The following RGL1 variants were observed in gnomAD, a reference collection of about 807,000 sequenced individuals.
RGL1 encodes ral guanine nucleotide dissociation stimulator-like 1.
Under a neutral mutation model 95.2 loss-of-function variants are expected in RGL1, and 24 were observed. That is an observed-to-expected ratio of 0.25 (90% CI 0.18 to 0.35). The LOEUF (loss-of-function observed/expected upper bound fraction) is 0.35. Ranked by LOEUF, RGL1 falls within the 10% of genes least tolerant of loss-of-function variation. RGL1 has a pLI of 1.00. For synonymous variants in RGL1, 329 were observed against 344.9 expected (o/e 0.95, Z 0.51); for missense variants, 715 against 936.3 (o/e 0.76, Z 3.08).
chr1:183,800,408 G>A (rs1286118841), upstream of RGL1, among the ~76,000 whole-genome samples: 6 of 151,136 alleles, frequency 4.0e-5, no homozygotes, highest in Non-Finnish European at 8.8e-5. Flanking sequence ...TTTTTCTCCC[G>A]TTTGTTGCTC....
intron 2 of RGL1, among the ~76,000 whole-genome samples, chr1:183,840,051 A>C (rs1663936024): frequency 6.6e-6 from 1 of 152,210 alleles, no homozygotes; most frequent in Non-Finnish European, 1.5e-5. Context: ...TGAAACGGGT[A>C]TGATCTAATG....
rs545339168 is a variant in RGL1 at position 183,650,282 on chromosome 1, G to A, written c.-33+13781G>A. ...TATTCGGCCAGGCGTGGTGGCTCAC[G>A]CCTATAATCCCAGCACTTTGGGAGG... is the stretch of plus-strand genomic sequence containing the variant. On this transcript the variant is annotated intron_variant, in intron 1 of 18. Transcript: ENST00000304685. Among the ~76,000 whole-genome samples the A allele has an allele frequency of 4.4e-4, 67 of 152,020 alleles. 1 individual carries two copies. The highest frequency in any genetic ancestry group is 1.6e-3 in the African/African-American group (66 of 41,432).
intron 2 of RGL1, among the ~76,000 whole-genome samples, chr1:183,770,908 T>G (rs1409537134): frequency 6.6e-6 from 1 of 152,198 alleles, no homozygotes; most frequent in Non-Finnish European, 1.5e-5. Context: ...ACAATTGGGC[T>G]GGTTTCAGTG....
At chr1:183,793,772 A>G (rs1293022411) in intron 2 of RGL1, among the ~76,000 whole-genome samples, 1 of 152,150 alleles carries the variant, frequency 6.6e-6, no homozygotes, top group Non-Finnish European at 1.5e-5. Context: ...ATGCAGAGGA[A>G]AAGAAACTCT....
chr1:183,794,875 T>C (rs1235755650), intron 2 of RGL1, among the ~76,000 whole-genome samples: 2 of 152,252 alleles, frequency 1.3e-5, no homozygotes, highest in Non-Finnish European at 2.9e-5. Context: ...ATTGTTAGTC[T>C]GCCCTGCTCT....
At chr1:183,694,531 T>A (rs1452747877) in intron 1 of RGL1, among the ~76,000 whole-genome samples, 1 of 152,228 alleles carries the variant, frequency 6.6e-6, no homozygotes, top group Non-Finnish European at 1.5e-5. Flanking sequence ...ACCCTTGCTA[T>A]AGATCATTTC....
intron 2 of RGL1, among the ~76,000 whole-genome samples, chr1:183,822,472 G>T (rs1572458997): frequency 6.6e-6 from 1 of 152,034 alleles, no homozygotes; most frequent in Non-Finnish European, 1.5e-5. Context: ...TGGTGAATTA[G>T]ATTACCCTAG....
intron 2 of RGL1, among the ~76,000 whole-genome samples, chr1:183,813,968 T>C (rs919998891): frequency 1.3e-5 from 2 of 152,232 alleles, no homozygotes; most frequent in African/African-American, 4.8e-5. Flanking sequence ...CCTTATAATG[T>C]CACTTATGGC....
chr1:183,805,795 A>G (rs954258909), intron 1 of RGL1, among the ~76,000 whole-genome samples: 1 of 152,178 alleles, frequency 6.6e-6, no homozygotes, highest in African/African-American at 2.4e-5. Flanking sequence ...GTGGGCTCCA[A>G]AACAATGAGG....
chr1:183,764,389 C>T (rs1658859392), intron 2 of RGL1, among the ~76,000 whole-genome samples: 1 of 151,970 alleles, frequency 6.6e-6, no homozygotes, highest in African/African-American at 2.4e-5. Context: ...GGTCAGTGGG[C>T]AGTTATTATG....
intron 4 of RGL1, among the ~76,000 whole-genome samples, chr1:183,868,885 G>A (rs1665995169): frequency 6.6e-6 from 1 of 152,226 alleles, no homozygotes. Context: ...GGAAGCCCAG[G>A]AGGGAAGATC....
intron 1 of RGL1, chr1:183,709,244 A>T (rs1655114520): frequency 6.6e-6 from 1 of 152,266 alleles, no homozygotes; most frequent in Admixed American, 6.5e-5. Context: ...GGGCCTGAGA[A>T]GGGATGAGTT....
chr1:183,700,926 C>A (rs1028780048), intron 1 of RGL1, among the ~76,000 whole-genome samples: 1 of 152,134 alleles, frequency 6.6e-6, no homozygotes, highest in Non-Finnish European at 1.5e-5. Context: ...CCCTGACAGG[C>A]CCCGGTGTGT....
At chr1:183,771,537 G>A (rs1659271898) in intron 2 of RGL1, among the ~76,000 whole-genome samples, 1 of 152,204 alleles carries the variant, frequency 6.6e-6, no homozygotes, top group African/African-American at 2.4e-5. Context: ...AAACAGGTAG[G>A]GGATGGGGTA....
At chr1:183,675,718 A>G (rs1652784961) in intron 1 of RGL1, among the ~76,000 whole-genome samples, 1 of 152,204 alleles carries the variant, frequency 6.6e-6, no homozygotes, top group Non-Finnish European at 1.5e-5. Context: ...TTGAGCTAAA[A>G]TATACTCTCC....
At chr1:183,853,686 A>T (rs868625296) in intron 3 of RGL1, among the ~76,000 whole-genome samples, 2 of 152,140 alleles carry the variant, frequency 1.3e-5, no homozygotes, top group African/African-American at 4.8e-5. Context: ...TTTTACCCCT[A>T]TGTTTACAGA....
chr1:183,805,477 C>G (rs946221203), intron 1 of RGL1, among the ~76,000 whole-genome samples, 153 bp downstream of exon 1: 1 of 151,934 alleles, frequency 6.6e-6, no homozygotes, highest in Admixed American at 6.5e-5. Context: ...TTGTATTCCT[C>G]TCTCTCTGCG....
At chr1:183,897,744 T>A in intron 9 of RGL1, 64 bp from the exon 10 acceptor site, 1 of 1,241,958 alleles carries the variant, frequency 8.1e-7, no homozygotes, top group Middle Eastern at 1.9e-4. Flanking sequence ...ACTAGATGCC[T>A]CTTTACTTCT....
chr1:183,927,719 T>C lies in RGL1; in HGVS notation c.*1427T>C, dbSNP rs904540536. The stretch of plus-strand genomic sequence containing the variant: ...TGTGTAAGAAGCACTTTCAGAATGT[T>C]GTCCTTTTTAAGAAATGATTCTCAA... On this transcript the variant is annotated 3_prime_UTR_variant, in exon 18 of 18. Coordinates refer to ENST00000360851, the MANE Select transcript of RGL1 (RefSeq NM_001297671.3). The C allele has an allele frequency of 6.6e-6, 1 of 152,638 alleles. No homozygotes were observed. Among genetic ancestry groups the C allele is most frequent in the Non-Finnish European group, 1.5e-5 (1 of 68,018 alleles). The allele number at this position is 152,638 out of a possible 1,614,324, so 9.5% of individuals were successfully genotyped here.
Sources: allele counts gnomAD v4.1 joint callset (sites outside exome capture counted in the v4.1 genomes callset), GRCh38; gene constraint gnomAD v4.1.1; transcripts MANE v1.5; gene names NCBI Gene and HGNC (gene_info 2026-07-23, HGNC 2026-07-21).